The following OPALIN variants were observed in gnomAD, a reference collection of about 807,000 sequenced individuals.
OPALIN encodes the protein transmembrane protein 10.
A neutral mutation model predicts 17.8 loss-of-function variants in OPALIN; 15 were observed. That is an observed-to-expected ratio of 0.84 (90% CI 0.56 to 1.29). OPALIN has a LOEUF of 1.29. Among genes scored for constraint, OPALIN ranks in the 50% most tolerant of loss-of-function variants. The pLI is 0.00. For synonymous variants in OPALIN, 62 were observed against 63.8 expected (o/e 0.97, Z 0.14); for missense variants, 170 against 176.0 (o/e 0.97, Z 0.19).
At chr10:96,350,623 C>T (rs546016767) in intron 3 of OPALIN, among the ~76,000 whole-genome samples, 13 of 152,276 alleles carry the variant, frequency 8.5e-5, no homozygotes, top group African/African-American at 2.2e-4. Context: ...ATGTAACAAA[C>T]CTGCACGTTG....
intron 3 of OPALIN, among the ~76,000 whole-genome samples, chr10:96,350,770 A>T (rs17111733): frequency 0.08 from 12,181 of 152,310 alleles, 659 homozygotes; most frequent in South Asian, 0.15. Flanking sequence ...CTTTGATCGG[A>T]GTGGAAATAG....
chr10:96,353,444 T>G, intron 2 of OPALIN: 1 of 1,613,136 alleles, frequency 6.2e-7, no homozygotes, highest in Non-Finnish European at 8.5e-7. Context: ...CAGGATGACC[T>G]ACCATCCGCA....
chr10:96,353,815 G>C (rs529700263), intron 2 of OPALIN, among the ~76,000 whole-genome samples: 1 of 152,200 alleles, frequency 6.6e-6, no homozygotes, highest in Non-Finnish European at 1.5e-5. Context: ...AAGAATTAGG[G>C]AATTTGCCTG....
At chr10:96,353,502 C>T (rs1215127258) in intron 2 of OPALIN, 6 of 1,367,502 alleles carry the variant, frequency 4.4e-6, no homozygotes, top group South Asian at 2.3e-5. Context: ...ACAGACAACA[C>T]CAGGCAAAGC....
intron 1 of OPALIN, 58 bp downstream of exon 1, chr10:96,358,836 G>C: frequency 6.4e-7 from 1 of 1,569,746 alleles, no homozygotes; most frequent in African/African-American, 1.3e-5. Flanking sequence ...TGAATTTGGA[G>C]GTTTTTTATA....
chr10:96,345,235 T>C lies in OPALIN; in HGVS notation c.*706A>G, dbSNP rs1845264921. On this transcript the variant is annotated 3_prime_UTR_variant, in exon 6 of 6. Coordinates refer to ENST00000371172, the MANE Select transcript of OPALIN (RefSeq NM_033207.5). ...TGACTGGCAACTAAGTAGCAGACACTTCCCTTTATTTCTTATTTAATCTTT... is the reference window on the plus strand; with the variant it reads ...TGACTGGCAACTAAGTAGCAGACACCTCCCTTTATTTCTTATTTAATCTTT... 6.6e-6 allele frequency: 1 copy of C among 152,232 alleles called. No homozygotes were observed. Among genetic ancestry groups the C allele is most frequent in the Non-Finnish European group, 1.5e-5 (1 of 68,042 alleles). The allele number at this position is 152,232 out of a possible 1,614,324, so 9.4% of individuals were successfully genotyped here. A position where few individuals can be genotyped will look rare whatever the true frequency, so the allele number is the denominator to read the frequency against.
At chr10:96,353,647 C>T (rs1273560004) in intron 2 of OPALIN, among the ~76,000 whole-genome samples, 3 of 152,194 alleles carry the variant, frequency 2.0e-5, no homozygotes, top group Non-Finnish European at 4.4e-5. Context: ...CATTCACCCC[C>T]ACTCCCCAAG....
chr10:96,349,421 G>T (rs541800963), intron 4 of OPALIN, among the ~76,000 whole-genome samples: 118 of 152,310 alleles, frequency 7.7e-4, no homozygotes, highest in Admixed American at 2.0e-3. Flanking sequence ...GTACAGACAT[G>T]TGTTTGCCAT....
chr10:96,355,404 T>G, intron 1 of OPALIN, 114 bp from the exon 2 acceptor site: 1 of 900,876 alleles, frequency 1.1e-6, no homozygotes. Flanking sequence ...TCCTATAGAC[T>G]CAGCCAGCCC....
rs766766428 is a variant in OPALIN at position 96,349,692 on chromosome 10, G to T, written c.192+15C>A. ...GGCTGCCTATACATCTGGACCCAAA[G>T]AAGCTAGTAATCACCTCCATGGCCT... On this transcript the variant is annotated intron_variant, in intron 4 of 5. Coordinates refer to ENST00000371172, the MANE Select transcript of OPALIN (RefSeq NM_033207.5). 2.6e-5 allele frequency: 42 copies of T among 1,610,644 alleles called. No individual in the cohort carries two copies. In the East Asian group the frequency reaches 8.9e-4, roughly 34 times the overall value.
In OPALIN at chr10:96,355,283, G is replaced by A. The variant is rs755193169; in HGVS notation, c.11C>T (p.Ser4Leu). Residue 4 changes from serine to leucine, a missense_variant, in exon 2 of 6, where the codon TCA becomes TTA. Physicochemically the swap from Ser to Leu is moderately radical, Grantham distance 145. Transcript: ENST00000371172. MSF[S>L]LNFTLPANTT... ...GTTCGCCGGCAGGGTGAAGTTCAGT[G>A]AAAAACTCTGCAAGATAGAAGTAAA... 2 of 1,613,972 alleles carry A rather than the reference G, an allele frequency of 1.2e-6. No individual in the cohort carries two copies. The highest frequency in any genetic ancestry group is 2.2e-5 in the South Asian group (2 of 91,062).
chr10:96,350,785 G>A (rs1256103340), intron 3 of OPALIN, among the ~76,000 whole-genome samples: 2 of 152,168 alleles, frequency 1.3e-5, no homozygotes, highest in Non-Finnish European at 2.9e-5. Context: ...AAATAGTCAT[G>A]CTTTTAGTTA....
chr10:96,349,469 C>T (rs1349571568), intron 4 of OPALIN, among the ~76,000 whole-genome samples: 1 of 152,194 alleles, frequency 6.6e-6, no homozygotes, highest in Non-Finnish European at 1.5e-5. Flanking sequence ...CTTTTTGTTA[C>T]CCCAAATACC....
At chr10:96,358,087 G>T (rs1187012206) in intron 1 of OPALIN, among the ~76,000 whole-genome samples, 1 of 144,446 alleles carries the variant, frequency 6.9e-6, no homozygotes, top group Non-Finnish European at 1.5e-5. Flanking sequence ...ACCAAGATAG[G>T]TTTTTGCTCA....
intron 2 of OPALIN, among the ~76,000 whole-genome samples, chr10:96,354,131 C>A (rs1845706542): frequency 6.6e-6 from 1 of 152,132 alleles, no homozygotes. Context: ...GCCAAGCCCA[C>A]TAAAAAACTG....
intron 2 of OPALIN, among the ~76,000 whole-genome samples, chr10:96,354,017 C>T (rs11593074): frequency 0.079 from 12,081 of 152,176 alleles, 660 homozygotes; most frequent in South Asian, 0.15. Context: ...AACTATGCCC[C>T]CATGTTTCAG....
intron 4 of OPALIN, among the ~76,000 whole-genome samples, 156 bp downstream of exon 4, chr10:96,349,551 A>C (rs1217045759): frequency 6.6e-6 from 1 of 152,206 alleles, no homozygotes; most frequent in Non-Finnish European, 1.5e-5. Flanking sequence ...GCCTAATGTC[A>C]TGTCTGCAGT....
chr10:96,358,848 TAAG>T, intron 1 of OPALIN, 43 bp downstream of exon 1: 4 of 1,605,110 alleles, frequency 2.5e-6, no homozygotes, highest in Non-Finnish European at 3.4e-6. Flanking sequence ...TTTTTTATAG[TAAG>T]AAATGAAAGT....
intron 2 of OPALIN, among the ~76,000 whole-genome samples, chr10:96,352,609 A>G (rs1057322623): frequency 2.0e-5 from 3 of 151,786 alleles, no homozygotes; most frequent in Non-Finnish European, 4.4e-5. Flanking sequence ...GGGTAGTAGG[A>G]AGAATCAGCC....
Sources: gnomAD v4.1 joint callset for allele counts (sites outside exome capture counted in the v4.1 genomes callset) on GRCh38, gnomAD v4.1.1 for gene constraint, MANE v1.5 for transcripts, NCBI Gene and HGNC (gene_info 2026-07-23, HGNC 2026-07-21) for gene names.